The following BPTF variants were observed in gnomAD, a reference collection of about 807,000 sequenced individuals.
BPTF encodes bromodomain PHD finger transcription factor.
In BPTF, 18 loss-of-function variants were observed where a neutral mutation model predicts 292.5. The observed-to-expected ratio is 0.06, with a 90% CI of 0.04 to 0.09. BPTF has a LOEUF of 0.09. Ranked by LOEUF, BPTF falls within the 10% of genes least tolerant of loss-of-function variation. The pLI is 1.00. For synonymous variants in BPTF, 1,225 were observed against 1,251.9 expected (o/e 0.98, Z 0.45); for missense variants, 2,726 against 3,498.7 (o/e 0.78, Z 5.57).
At chr17:67,886,088 G>T in intron 4 of BPTF, 1 of 1,377,160 alleles carries the variant, frequency 7.3e-7, no homozygotes, top group Non-Finnish European at 1.0e-6. Context: ...CATTTTTCAT[G>T]TGATTTCCAA....
intron 19 of BPTF, among the ~76,000 whole-genome samples, chr17:67,942,221 C>T (rs1403498802): frequency 1.3e-5 from 2 of 151,862 alleles, no homozygotes; most frequent in Non-Finnish European, 2.9e-5. Flanking sequence ...GAGGCTGAGG[C>T]AGGAGAATTG....
At chr17:67,939,087 T>G (rs1167267746) in intron 18 of BPTF, among the ~76,000 whole-genome samples, 2 of 152,308 alleles carry the variant, frequency 1.3e-5, no homozygotes, top group East Asian at 1.9e-4. Context: ...AACTTCAACT[T>G]AGTACTATAT....
At chr17:67,969,282 A>G (rs1198070201) in intron 26 of BPTF, among the ~76,000 whole-genome samples, 1 of 150,728 alleles carries the variant, frequency 6.6e-6, no homozygotes, top group African/African-American at 2.5e-5. Context: ...CCTCATCTCT[A>G]CTACAAAAAA....
chr17:67,830,530 A>C (rs2056570587), intron 1 of BPTF, among the ~76,000 whole-genome samples: 1 of 151,884 alleles, frequency 6.6e-6, no homozygotes, highest in Non-Finnish European at 1.5e-5. Context: ...TGGGCATTTT[A>C]AGGAGGGCGA....
intron 1 of BPTF, among the ~76,000 whole-genome samples, chr17:67,853,396 C>G (rs1404617290): frequency 6.6e-6 from 1 of 152,082 alleles, no homozygotes; most frequent in Non-Finnish European, 1.5e-5. Context: ...GCCCATGCTT[C>G]GCTGTGGAAC....
chr17:67,891,938 A>G lies in BPTF; in HGVS notation c.1959A>G (p.Arg653=). Residue 653 remains arginine (R), a synonymous_variant, in exon 5 of 28, where the codon AGA becomes AGG. Transcript: ENST00000306378. ...GASGSTRIIT[R]LRNPDSKLSQ... is the part of the protein sequence containing the mutation. ...CTGGCTCAACTCGAATCATCACCAG[A>G]TTGCGGAATCCAGATAGCAAACTTA... 3 of 1,613,138 alleles carry G rather than the reference A, an allele frequency of 1.9e-6. No homozygotes were observed. The highest frequency in any genetic ancestry group is 2.5e-6 in the Non-Finnish European group (3 of 1,179,644).
intron 1 of BPTF, among the ~76,000 whole-genome samples, chr17:67,827,415 G>A (rs2056187317): frequency 1.3e-5 from 2 of 151,946 alleles, no homozygotes; most frequent in South Asian, 4.1e-4. Context: ...AAACACCCCC[G>A]GCCCCCCGCA....
chr17:67,962,436 A>G (rs1438579299), intron 24 of BPTF, among the ~76,000 whole-genome samples: 3 of 152,136 alleles, frequency 2.0e-5, no homozygotes, highest in Non-Finnish European at 1.5e-5. Context: ...TCCTTTTGTC[A>G]TTAGGTCTTT....
At chr17:67,954,130 GT>G (rs2066697444) in intron 23 of BPTF, among the ~76,000 whole-genome samples, 1 of 5,106 alleles carries the variant, frequency 2.0e-4, no homozygotes, top group Admixed American at 0.016. Context: ...GGGACTACGG[GT>G]ACGGGCGAAT....
At chr17:67,977,859 CT>C (rs1224005594) in intron 27 of BPTF, 84 of 140,598 alleles carry the variant, frequency 6.0e-4, no homozygotes, top group Admixed American at 6.4e-4. Context: ...AAAAAAGTAT[CT>C]TTTTTTTTTT....
At chr17:67,978,258 C>G (rs1475965684) in intron 27 of BPTF, among the ~76,000 whole-genome samples, 1 of 151,406 alleles carries the variant, frequency 6.6e-6, no homozygotes, top group Non-Finnish European at 1.5e-5. Flanking sequence ...TCCCAAAGTG[C>G]TGGGGCTGTG....
intron 13 of BPTF, among the ~76,000 whole-genome samples, chr17:67,921,329 A>G (rs2063423823): frequency 6.6e-6 from 1 of 151,696 alleles, no homozygotes; most frequent in African/African-American, 2.4e-5. Context: ...GTTTGAGACC[A>G]GCCTGGCCAA....
rs372687302 is a variant in BPTF, at chr17:67,888,370, C to T, written c.1865-3474C>T. On this transcript the variant is annotated intron_variant, in intron 4 of 27. Coordinates refer to ENST00000306378, the MANE Select transcript of BPTF (RefSeq NM_182641.4). The stretch of plus-strand genomic sequence containing the variant: ...TTGGGAGGCCAAGGCGGGCGGATCA[C>T]GAGGTCAGGAGTTCGAGACCAGTCT... Among the ~76,000 whole-genome samples, 106 of 151,910 alleles carry T rather than the reference C, an allele frequency of 7.0e-4. 1 individual carries two copies. The South Asian group carries it at 0.017, about 24-fold the overall frequency.
At chr17:67,907,578 A>T (rs1203667453) in intron 9 of BPTF, among the ~76,000 whole-genome samples, 1 of 151,872 alleles carries the variant, frequency 6.6e-6, no homozygotes, top group Non-Finnish European at 1.5e-5. Flanking sequence ...CTGATCTCGA[A>T]CTCCTGACTT....
chr17:67,909,498 C>T (rs1197141099), intron 9 of BPTF, 84 bp from the exon 10 acceptor site: 3 of 794,348 alleles, frequency 3.8e-6, no homozygotes, highest in African/African-American at 1.8e-5. Context: ...CTGGAAATTA[C>T]TTGTTTATTT....
intron 9 of BPTF, 134 bp from the exon 10 acceptor site, chr17:67,909,448 C>CTTTTTT: frequency 1.9e-6 from 1 of 516,538 alleles, no homozygotes; most frequent in Non-Finnish European, 3.0e-6. Flanking sequence ...AGACCTTTGT[C>CTTTTTT]TTTTTTTTTT....
chr17:67,918,084 C>G (rs567825172), intron 11 of BPTF, among the ~76,000 whole-genome samples: 4 of 152,188 alleles, frequency 2.6e-5, no homozygotes, highest in Admixed American at 6.5e-5. Flanking sequence ...CAGGCATGAG[C>G]CACCATGCCC....
In BPTF at chr17:67,864,508, A is replaced by G. The variant is rs567274567; in HGVS notation, c.1437-1956A>G. 2.8e-3 allele frequency among the ~76,000 whole-genome samples: 417 copies of G among 146,368 alleles called. 2 individuals are homozygous for G. The highest frequency in any genetic ancestry group is 0.01 in the African/African-American group (395 of 38,638). On this transcript the variant is annotated intron_variant, in intron 2 of 27. Coordinates refer to ENST00000306378, the MANE Select transcript of BPTF (RefSeq NM_182641.4). The stretch of plus-strand genomic sequence containing the variant: ...GCGCCACTGCACTCCAGCCTGGGCA[A>G]CAGAGTGAGACTCCATCACAAAAAA...
chr17:67,888,564 TG>T (rs2060892660), intron 4 of BPTF, among the ~76,000 whole-genome samples: 1 of 126,034 alleles, frequency 7.9e-6, no homozygotes, highest in South Asian at 2.5e-4. Flanking sequence ...CACTCCAGTC[TG>T]GGTGACAGAA....
Sources: allele counts gnomAD v4.1 joint callset (sites outside exome capture counted in the v4.1 genomes callset), GRCh38; gene constraint gnomAD v4.1.1; transcripts MANE v1.5; gene names NCBI Gene and HGNC (gene_info 2026-07-23, HGNC 2026-07-21).